The following CDS2 variants were observed in gnomAD, a reference collection of about 807,000 sequenced individuals.
CDS2 encodes CDP-diacylglycerol synthase 2.
In CDS2, 47 loss-of-function variants were observed where a neutral mutation model predicts 59.0. That is an observed-to-expected ratio of 0.80 (90% CI 0.63 to 1.02). The LOEUF (loss-of-function observed/expected upper bound fraction) is 1.02, where lower values mean the gene tolerates loss of function less well. Among genes scored for constraint, CDS2 ranks in the 50% least tolerant of loss-of-function variants. The pLI, the probability that CDS2 is intolerant of heterozygous loss-of-function variation, is 0.00. For synonymous variants in CDS2, 207 were observed against 206.4 expected (o/e 1.00, Z -0.02); for missense variants, 356 against 558.9 (o/e 0.64, Z 3.66).
rs748063424 is a variant in CDS2 at position 5,127,110 on chromosome 20, G to T, written c.18G>T (p.Gln6His). 6.0e-6 allele frequency: 9 copies of T among 1,499,450 alleles called. No individual in the cohort carries two copies. Among genetic ancestry groups the T allele is most frequent in the Non-Finnish European group, 8.0e-6 (9 of 1,123,774 alleles). 92.9% of individuals were successfully genotyped at this position (1,499,450 alleles called of 1,614,324 possible). MTELR[Q>H]RVAHEPVAPP... is the part of the protein sequence containing the mutation. Reference sequence around the variant, plus strand: ...TTCCCAGGATGACAGAGCTGAGGCAGAGGGTGGCCCATGAGCCGGTTGCGC... The same window carrying T: ...TTCCCAGGATGACAGAGCTGAGGCATAGGGTGGCCCATGAGCCGGTTGCGC... The change falls in exon 1 of 13, where the codon CAG (glutamine) becomes CAT (histidine). Residue 6 changes from glutamine to histidine, a missense_variant. By Grantham distance (24) the Gln-to-His change is conservative. This residue lies in a region of CDS2 where 107 missense variants were observed against 129.7 expected (regional missense o/e 0.82). Coordinates refer to ENST00000460006, the MANE Select transcript of CDS2 (RefSeq NM_003818.4).
intron 1 of CDS2, among the ~76,000 whole-genome samples, chr20:5,135,246 G>A (rs868145734): frequency 8.5e-5 from 13 of 152,184 alleles, no homozygotes; most frequent in African/African-American, 3.1e-4. Context: ...TAATTTCACA[G>A]GGCAGATAAT....
chr20:5,174,087 C>T (rs2090976399), intron 2 of CDS2, among the ~76,000 whole-genome samples: 1 of 152,232 alleles, frequency 6.6e-6, no homozygotes, highest in Admixed American at 6.5e-5. Flanking sequence ...CCTTTGTGAA[C>T]AGTTCCTTAA....
intron 1 of CDS2, among the ~76,000 whole-genome samples, chr20:5,143,702 G>A (rs1001871393): frequency 2.1e-5 from 3 of 144,226 alleles, no homozygotes; most frequent in Non-Finnish European, 4.5e-5. Flanking sequence ...ATGCTGCTAG[G>A]AACATGAGTG....
intron 1 of CDS2, among the ~76,000 whole-genome samples, chr20:5,171,911 G>A (rs1280978374): frequency 6.6e-6 from 1 of 152,180 alleles, no homozygotes; most frequent in Admixed American, 6.5e-5. Flanking sequence ...TCTTTATTGG[G>A]CCTTTACCAA....
In CDS2 at chr20:5,195,504, T is replaced by A. The variant is rs941652014; in HGVS notation, c.*5270T>A. ...GTCTGGACTGCTTGTGGGAAGGCCA[T>A]CTCCTCCTGTCTGGTGGTACCTCCA... On this transcript the variant is annotated 3_prime_UTR_variant, in exon 13 of 13. Transcript: ENST00000460006. The A allele has an allele frequency of 6.6e-6, 1 of 152,138 alleles. No individual in the cohort carries two copies. Among genetic ancestry groups the A allele is most frequent in the Non-Finnish European group, 1.5e-5 (1 of 68,122 alleles). 9.4% of individuals were successfully genotyped at this position (152,138 alleles called of 1,614,324 possible).
In CDS2 at chr20:5,180,409, T is replaced by C. The variant is rs748485350; in HGVS notation, c.529+1453T>C. On this transcript the variant is annotated intron_variant, in intron 5 of 12. Transcript: ENST00000460006. ...TGCTGGTTGCCCATTTTTATGGTTA[T>C]TTCTTGATTATATGCTAAACAAAGG... 6.6e-5 allele frequency among the ~76,000 whole-genome samples: 10 copies of C among 152,098 alleles called. No homozygotes were observed. The South Asian group carries it at 1.0e-3, about 16-fold the overall frequency.
intron 1 of CDS2, among the ~76,000 whole-genome samples, chr20:5,163,553 G>C (rs1027548385): frequency 3.3e-5 from 5 of 151,638 alleles, no homozygotes; most frequent in African/African-American, 1.2e-4. Context: ...GAGCCACTGC[G>C]CCTGGCCAGT....
chr20:5,168,731 G>A, intron 1 of CDS2: 1 of 478,390 alleles, frequency 2.1e-6, no homozygotes, highest in Non-Finnish European at 4.2e-6. Context: ...AGAGTTGATA[G>A]TGAAAATGAG....
At chr20:5,149,411 G>A (rs1004843137) in intron 1 of CDS2, among the ~76,000 whole-genome samples, 1 of 152,096 alleles carries the variant, frequency 6.6e-6, no homozygotes, top group African/African-American at 2.4e-5. Context: ...ACATGCTGCA[G>A]ATTTTTCTCA....
intron 1 of CDS2, among the ~76,000 whole-genome samples, chr20:5,159,693 T>A (rs2090862043): frequency 6.6e-6 from 1 of 152,222 alleles, no homozygotes; most frequent in Admixed American, 6.5e-5. Context: ...TTGTATTTGT[T>A]ACATTATTCA....
chr20:5,183,433 C>T (rs186388172), intron 7 of CDS2, among the ~76,000 whole-genome samples: 2 of 152,250 alleles, frequency 1.3e-5, no homozygotes, highest in East Asian at 1.9e-4. Flanking sequence ...TATTTAAAGA[C>T]TCAAAGACAA....
At position 5,143,295 on chromosome 20, in the gene CDS2, G is replaced by A. The variant is rs143761423; in HGVS notation, c.57+16146G>A. On this transcript the variant is annotated intron_variant, in intron 1 of 12. Coordinates refer to ENST00000460006, the MANE Select transcript of CDS2 (RefSeq NM_003818.4). The stretch of plus-strand genomic sequence containing the variant: ...AAAAGAATGAAAACTTTGACGGTTG[G>A]CAAGTATATGGAGCAAGAGGACCTT... Among the ~76,000 whole-genome samples the A allele has an allele frequency of 1.6e-3, 249 of 152,310 alleles. 1 individual carries two copies. Among genetic ancestry groups the A allele is most frequent in the Non-Finnish European group, 3.2e-3 (216 of 68,030 alleles).
Position 5,184,509 on chromosome 20 carries a change from G to T in CDS2, c.672-349G>T, listed in dbSNP as rs2091053205. Among the ~76,000 whole-genome samples the T allele has an allele frequency of 6.6e-6, 1 of 152,184 alleles. No individual in the cohort carries two copies. Among genetic ancestry groups the T allele is most frequent in the Admixed American group, 6.5e-5 (1 of 15,286 alleles). On this transcript the variant is annotated intron_variant, in intron 7 of 12. Coordinates refer to ENST00000460006, the MANE Select transcript of CDS2 (RefSeq NM_003818.4). This position sits in a 1 kb window ranked among gnomAD's most constrained non-coding sequence, Gnocchi z 4.3. ...AACGATTAGAAGTGGTTATTTTTGG[G>T]AATGGAGATAGGGATGGGAGAAAGA...
intron 1 of CDS2, among the ~76,000 whole-genome samples, chr20:5,168,094 C>T (rs893380263): frequency 6.6e-6 from 1 of 151,900 alleles, no homozygotes; most frequent in Non-Finnish European, 1.5e-5. Flanking sequence ...TAGTGTAGTC[C>T]AGAGCTGAGT....
At chr20:5,179,845 C>G (rs2091020817) in intron 5 of CDS2, among the ~76,000 whole-genome samples, 1 of 152,210 alleles carries the variant, frequency 6.6e-6, no homozygotes, top group Non-Finnish European at 1.5e-5. Context: ...CGTACTAATT[C>G]TAATAATGCT....
At chr20:5,177,347 G>GT (rs2091001920) in intron 4 of CDS2, among the ~76,000 whole-genome samples, 2 of 152,188 alleles carry the variant, frequency 1.3e-5, no homozygotes, top group Non-Finnish European at 2.9e-5. Flanking sequence ...AGACTGTGGT[G>GT]TTTGAGCCCT....
At chr20:5,182,507 C>A in intron 6 of CDS2, 62 bp downstream of exon 6, 1 of 1,439,586 alleles carries the variant, frequency 6.9e-7, no homozygotes, top group South Asian at 1.2e-5. Flanking sequence ...TTCAGGAACT[C>A]AACAAGCCTT....
intron 1 of CDS2, among the ~76,000 whole-genome samples, chr20:5,143,244 C>T (rs2090710426): frequency 6.6e-6 from 1 of 152,156 alleles, no homozygotes; most frequent in South Asian, 2.1e-4. Flanking sequence ...GATACAACTG[C>T]ACACCCACTA....
At chr20:5,150,287 C>T (rs2090778241) in intron 1 of CDS2, among the ~76,000 whole-genome samples, 1 of 152,210 alleles carries the variant, frequency 6.6e-6, no homozygotes, top group Non-Finnish European at 1.5e-5. Flanking sequence ...ACTGGATTAT[C>T]AGAAGCATTG....
Sources: allele counts gnomAD v4.1 joint callset (sites outside exome capture counted in the v4.1 genomes callset), GRCh38; gene constraint gnomAD v4.1.1; regional missense constraint gnomAD v4.1.1; non-coding constraint Gnocchi (gnomAD v3.1); transcripts MANE v1.5; gene names NCBI Gene and HGNC (gene_info 2026-07-23, HGNC 2026-07-21).